Variants in ANKRD6 observed in about 807,000 individuals in gnomAD.
The protein encoded by ANKRD6 is ankyrin repeat domain-containing protein 6.
In ANKRD6, 56 loss-of-function variants were observed where a neutral mutation model predicts 82.3. The observed-to-expected ratio is 0.68, with a 90% CI of 0.55 to 0.85. The LOEUF is 0.85. ANKRD6 is among the 40% of genes least tolerant of loss of function. ANKRD6 has a pLI of 0.00. For synonymous variants in ANKRD6, 347 were observed against 352.1 expected (o/e 0.99, Z 0.16); for missense variants, 852 against 907.6 (o/e 0.94, Z 0.79).
chr6:89,491,285 T>C (rs1777977717), intron 1 of ANKRD6, among the ~76,000 whole-genome samples: 1 of 152,162 alleles, frequency 6.6e-6, no homozygotes, highest in Non-Finnish European at 1.5e-5. Flanking sequence ...GAAGGGATGG[T>C]GTTGGGATTC....
chr6:89,595,915 G>A lies in ANKRD6; in HGVS notation c.121-1G>A. ...AATCATTGTTCATTTTGCATTCACA[G>A]CATGGCCGGACTCCCCTGCATCTTG... is the stretch of plus-strand genomic sequence containing the variant. On this transcript the variant is annotated splice_acceptor_variant, in intron 2 of 15. Coordinates refer to ENST00000339746, the MANE Select transcript of ANKRD6 (RefSeq NM_001242809.2). LOFTEE classifies it high-confidence loss of function. 3 of 1,603,858 alleles carry A rather than the reference G, an allele frequency of 1.9e-6. No homozygotes were observed. Among genetic ancestry groups the A allele is most frequent in the South Asian group, 1.1e-5 (1 of 88,704 alleles).
Position 89,480,166 on chromosome 6 carries a change from C to T in ANKRD6, c.-144+46791C>T, listed in dbSNP as rs186083593. On this transcript the variant is annotated intron_variant, in intron 1 of 15. Coordinates refer to ENST00000339746, the MANE Select transcript of ANKRD6 (RefSeq NM_001242809.2). ...TGCATCGGCCTCTGTTCATACTCTC[C>T]TAGATTGTTGTCTGTCTGAAAGGTA... Among the ~76,000 whole-genome samples the T allele has an allele frequency of 3.5e-3, 528 of 152,320 alleles. 2 individuals carry two copies. Among genetic ancestry groups the T allele is most frequent in the Non-Finnish European group, 6.4e-3 (437 of 68,028 alleles).
At chr6:89,576,446 G>A (rs1486925121) in intron 2 of ANKRD6, among the ~76,000 whole-genome samples, 1 of 152,188 alleles carries the variant, frequency 6.6e-6, no homozygotes, top group Non-Finnish European at 1.5e-5. Flanking sequence ...CACTGGGTAT[G>A]CTGAGAAGTC....
At chr6:89,592,797 CA>C (rs921114200) in intron 2 of ANKRD6, among the ~76,000 whole-genome samples, 3 of 151,998 alleles carry the variant, frequency 2.0e-5, no homozygotes, top group Non-Finnish European at 4.4e-5. Flanking sequence ...GACACACACA[CA>C]AAAAAACGTT....
chr6:89,457,291 T>C (rs1321457445), intron 1 of ANKRD6, among the ~76,000 whole-genome samples: 2 of 152,226 alleles, frequency 1.3e-5, no homozygotes, highest in Non-Finnish European at 2.9e-5. Context: ...GGAGGAAGCC[T>C]TCACAAGGGT....
At chr6:89,454,758 A>AT (rs1211860453) in intron 1 of ANKRD6, among the ~76,000 whole-genome samples, 6 of 152,072 alleles carry the variant, frequency 3.9e-5, no homozygotes, top group South Asian at 2.1e-4. Flanking sequence ...ATTTCCCTGT[A>AT]TTTTTTTTAT....
At chr6:89,537,879 C>CAAAAAAAAAAAA (rs55864526) in intron 1 of ANKRD6, among the ~76,000 whole-genome samples, 16 of 110,746 alleles carry the variant, frequency 1.4e-4, no homozygotes, top group Admixed American at 4.2e-4. Context: ...GACAATGTCT[C>CAAAAAAAAAAAA]AAAAAAAAAA....
At chr6:89,614,036 G>A in intron 7 of ANKRD6, 146 bp downstream of exon 7, 1 of 724,260 alleles carries the variant, frequency 1.4e-6, no homozygotes, top group South Asian at 1.9e-5. Flanking sequence ...CTTTGCATGG[G>A]TGTCACACTG....
chr6:89,470,867 T>C (rs1030411244), intron 1 of ANKRD6, among the ~76,000 whole-genome samples: 19 of 152,240 alleles, frequency 1.2e-4, no homozygotes, highest in Middle Eastern at 6.8e-3. Context: ...AAAAAGGTAA[T>C]GTTGTACCTA....
At position 89,630,634 on chromosome 6, in the gene ANKRD6, G is replaced by A. The variant is rs760572008; in HGVS notation, c.1814G>A (p.Arg605Lys). 5.6e-6 allele frequency: 9 copies of A among 1,613,830 alleles called. No individual in the cohort carries two copies. The highest frequency in any genetic ancestry group is 7.6e-6 in the Non-Finnish European group (9 of 1,179,848). Residue 605 changes from arginine (R) to lysine (K), a missense_variant, in exon 16 of 16, where the codon AGA (arginine) becomes AAA (lysine). Transcript: ENST00000339746. ...TALLPMNEAA[R>K]SDQQAGPCVN... ...TTGCTACCCATGAATGAGGCAGCCA[G>A]ATCTGATCAGCAGGCTGGGCCCTGC...
chr6:89,600,206 A>C (rs1437110681), intron 3 of ANKRD6, among the ~76,000 whole-genome samples: 1 of 152,178 alleles, frequency 6.6e-6, no homozygotes, highest in Non-Finnish European at 1.5e-5. Context: ...AAGGAAGCAA[A>C]TACAGTAGAT....
At chr6:89,464,599 A>G (rs1350750590) in intron 1 of ANKRD6, among the ~76,000 whole-genome samples, 1 of 152,216 alleles carries the variant, frequency 6.6e-6, no homozygotes, top group Non-Finnish European at 1.5e-5. Flanking sequence ...AGTCTTCTGT[A>G]TTTTAATAAT....
At chr6:89,625,183 T>C (rs1323702639) in intron 13 of ANKRD6, among the ~76,000 whole-genome samples, 1 of 151,990 alleles carries the variant, frequency 6.6e-6, no homozygotes, top group Non-Finnish European at 1.5e-5. Context: ...CTCGGGAGGC[T>C]GAGGCATAAG....
intron 7 of ANKRD6, 61 bp downstream of exon 7, chr6:89,613,951 T>C: frequency 6.4e-7 from 1 of 1,558,232 alleles, no homozygotes; most frequent in Non-Finnish European, 8.8e-7. Flanking sequence ...ACCGGACAGG[T>C]CTGTTAGTGC....
chr6:89,557,193 G>A (rs1786719084), intron 1 of ANKRD6, among the ~76,000 whole-genome samples: 1 of 152,168 alleles, frequency 6.6e-6, no homozygotes, highest in African/African-American at 2.4e-5. Flanking sequence ...CTGGTAGGTG[G>A]TTGGGTGTTT....
At chr6:89,563,410 C>T (rs1271755172) in intron 1 of ANKRD6, among the ~76,000 whole-genome samples, 3 of 152,196 alleles carry the variant, frequency 2.0e-5, no homozygotes, top group Non-Finnish European at 4.4e-5. Context: ...GAATGGGCAG[C>T]GTGTTTGCGT....
At chr6:89,613,988 C>A in intron 7 of ANKRD6, 98 bp downstream of exon 7, 2 of 1,244,744 alleles carry the variant, frequency 1.6e-6, no homozygotes, top group Non-Finnish European at 1.1e-6. Context: ...TGCTGGGAAG[C>A]TGCCATGTCA....
chr6:89,624,528 T>C lies in ANKRD6; in HGVS notation c.1219-11T>C. 1 of 1,552,002 alleles carries C rather than the reference T, an allele frequency of 6.4e-7. No homozygotes were observed. The highest frequency in any genetic ancestry group is 1.2e-5 in the South Asian group (1 of 84,052). The stretch of plus-strand genomic sequence containing the variant: ...AACAAGGGATTGATTCCTTTTTTGT[T>C]TCTCTCTTAGGCACCAATAAATGGT... On this transcript the variant is annotated splice_polypyrimidine_tract_variant and intron_variant, in intron 12 of 15. Coordinates refer to ENST00000339746, the MANE Select transcript of ANKRD6 (RefSeq NM_001242809.2).
At chr6:89,506,595 G>A (rs1056638915) in intron 1 of ANKRD6, among the ~76,000 whole-genome samples, 6 of 152,260 alleles carry the variant, frequency 3.9e-5, no homozygotes, top group South Asian at 2.1e-4. Context: ...GATTACAGGC[G>A]TAAGCCACCA....
Sources: gnomAD v4.1 joint callset for allele counts (sites outside exome capture counted in the v4.1 genomes callset) on GRCh38, gnomAD v4.1.1 for gene constraint, MANE v1.5 for transcripts, NCBI Gene and HGNC (gene_info 2026-07-23, HGNC 2026-07-21) for gene names.